PCDHGA5: variants seen among roughly 807,000 people sequenced by gnomAD.
PCDHGA5 encodes protocadherin gamma subfamily A, 5.
PCDHGA5 carries 36 observed loss-of-function variants against 56.7 expected under a neutral mutation model. The observed-to-expected ratio is 0.64, with a 90% CI of 0.49 to 0.84. The LOEUF is 0.84. Among genes scored for constraint, PCDHGA5 ranks in the 40% least tolerant of loss-of-function variants. The probability of loss-of-function intolerance (pLI) is 0.00; values close to 1 mark genes in which losing one functional copy is unlikely to be tolerated. For missense variants in PCDHGA5, 1,305 were observed against 1,201.5 expected (o/e 1.09, Z -1.27); for synonymous variants, 563 against 520.2 (o/e 1.08, Z -1.12).
At chr5:141,394,840 G>GCA (rs2093111243) in intron 1 of PCDHGA5, 1 of 1,613,834 alleles carries the variant, frequency 6.2e-7, no homozygotes. Flanking sequence ...ACCGAGTTGG[G>GCA]CAGTCTGAAG....
chr5:141,428,679 TGGATGA>T (rs1231732563), intron 1 of PCDHGA5: 1 of 163,254 alleles, frequency 6.1e-6, no homozygotes, highest in Non-Finnish European at 1.3e-5. Flanking sequence ...CATTTACAAA[TGGATGA>T]GGTTTAATTT....
At chr5:141,383,551 G>T (rs772901140) in intron 1 of PCDHGA5, 11 of 1,612,380 alleles carry the variant, frequency 6.8e-6, no homozygotes, top group Non-Finnish European at 9.3e-6. Context: ...CTCTGATGGC[G>T]GCGACCCGCC....
chr5:141,413,188 A>C, intron 1 of PCDHGA5: 4 of 1,606,680 alleles, frequency 2.5e-6, no homozygotes, highest in Non-Finnish European at 3.4e-6. Flanking sequence ...GGCCGCTCAA[A>C]GGAATCGCTC....
rs750465493 is a variant in PCDHGA5, at chr5:141,364,893, G to T, written c.563G>T (p.Gly188Val). Residue 188 changes from glycine to valine, a missense_variant, in exon 1 of 4, where the codon GGA (glycine) becomes GTA (valine). Gly to Val is a moderately radical substitution (Grantham distance 109). Transcript: ENST00000518069. ...FSLDVVSGTD[G>V]QKYPELVLEQ... Reference sequence around the variant, plus strand: ...CTGGATGTGGTAAGCGGAACTGATGGACAAAAGTATCCGGAGCTGGTGTTG... The same window carrying T: ...CTGGATGTGGTAAGCGGAACTGATGTACAAAAGTATCCGGAGCTGGTGTTG... The T allele has an allele frequency of 1.2e-6, 2 of 1,613,968 alleles. No individual in the cohort carries two copies. The highest frequency in any genetic ancestry group is 3.3e-5 in the Admixed American group (2 of 60,024).
At chr5:141,402,260 A>C (rs2094244604) in intron 1 of PCDHGA5, among the ~76,000 whole-genome samples, 2 of 152,144 alleles carry the variant, frequency 1.3e-5, no homozygotes, top group South Asian at 4.1e-4. Context: ...AACCCCAGAA[A>C]ATAATTTCAA....
chr5:141,430,975 G>A (rs776670383), intron 1 of PCDHGA5: 2 of 1,613,208 alleles, frequency 1.2e-6, no homozygotes, highest in Admixed American at 1.7e-5. Flanking sequence ...GAGGTAGGAC[G>A]CAGCTTTTCG....
At position 141,431,696 on chromosome 5, in the gene PCDHGA5, G is replaced by T; in HGVS notation, c.2422-63111G>T. ...AGGGGAGTTGGACCACGAGGAGTCA[G>T]GATTCTACCAGATGGAAGTGCAAGC... On this transcript the variant is annotated intron_variant, in intron 1 of 3. Transcript: ENST00000518069. The surrounding 1 kb of genome is among the most constrained non-coding windows in gnomAD (Gnocchi z 4.8). 6.2e-7 allele frequency: 1 copy of T among 1,614,238 alleles called. No individual in the cohort carries two copies. Among genetic ancestry groups the T allele is most frequent in the Non-Finnish European group, 8.5e-7 (1 of 1,180,038 alleles).
At chr5:141,419,014 C>A (rs1332175722) in intron 1 of PCDHGA5, 1 of 1,613,780 alleles carries the variant, frequency 6.2e-7, no homozygotes, top group Non-Finnish European at 8.5e-7. Flanking sequence ...TCAGGTGTAG[C>A]TTAAGTAGAG....
At position 141,431,007 on chromosome 5, in the gene PCDHGA5, G is replaced by C. The variant is rs149559471; in HGVS notation, c.2422-63800G>C. On this transcript the variant is annotated intron_variant, in intron 1 of 3. Transcript: ENST00000518069. This position sits in a 1 kb window ranked among gnomAD's most constrained non-coding sequence, Gnocchi z 4.8. Reference sequence around the variant, plus strand: ...TTCGCCCTGAATCCGCGCAGCGGCAGCTTGGTCACGGCGGGCAGGATAGAC... The same window carrying C: ...TTCGCCCTGAATCCGCGCAGCGGCACCTTGGTCACGGCGGGCAGGATAGAC... 10 of 1,614,050 alleles carry C rather than the reference G, an allele frequency of 6.2e-6. No homozygotes were observed. The highest frequency in any genetic ancestry group is 8.5e-6 in the Non-Finnish European group (10 of 1,180,018).
rs758715682 is a variant in PCDHGA5, at chr5:141,490,062, C to T, written c.2422-4745C>T. The T allele has an allele frequency of 2.6e-5, 42 of 1,614,100 alleles. No individual in the cohort carries two copies. The highest frequency in any genetic ancestry group is 3.3e-5 in the South Asian group (3 of 91,086). On this transcript the variant is annotated intron_variant, in intron 1 of 3. Coordinates refer to ENST00000518069, the MANE Select transcript of PCDHGA5 (RefSeq NM_018918.3). The surrounding 1 kb of genome is among the most constrained non-coding windows in gnomAD (Gnocchi z 5.4). The stretch of plus-strand genomic sequence containing the variant: ...CCACTGATCCAGACGAGGGCACCAA[C>T]GGCCAACTAGACTATTCTTTTGGAG...
At chr5:141,394,395 C>A (rs1238779909) in intron 1 of PCDHGA5, 3 of 1,614,146 alleles carry the variant, frequency 1.9e-6, no homozygotes, top group African/African-American at 1.3e-5. Context: ...GATCCGAGAC[C>A]TGCAGCTACT....
At chr5:141,372,042 G>C in intron 1 of PCDHGA5, 1 of 1,613,478 alleles carries the variant, frequency 6.2e-7, no homozygotes, top group South Asian at 1.1e-5. Context: ...GAGCCTGCGC[G>C]TGTTGGTGGA....
chr5:141,405,328 C>T (rs4912606), intron 1 of PCDHGA5: 66,412 of 1,613,986 alleles, frequency 0.041, 1,736 homozygotes, highest in Non-Finnish European at 0.046. Flanking sequence ...AGCCTTTGTG[C>T]GTCTCTGTTG....
chr5:141,485,995 T>G lies in PCDHGA5; in HGVS notation c.2422-8812T>G. 1 of 1,614,176 alleles carries G rather than the reference T, an allele frequency of 6.2e-7. No individual in the cohort carries two copies. On this transcript the variant is annotated intron_variant, in intron 1 of 3. Transcript: ENST00000518069. The surrounding 1 kb of genome is among the most constrained non-coding windows in gnomAD (Gnocchi z 5.7). ...CCTCAGACCCGGACCTGGGTCCCAG[T>G]GGTAACGTCACCTTTTATTTCAGTG...
intron 1 of PCDHGA5, among the ~76,000 whole-genome samples, chr5:141,369,777 G>A (rs1766479058): frequency 1.3e-5 from 2 of 152,188 alleles, no homozygotes; most frequent in South Asian, 2.1e-4. Context: ...GATATTTCAA[G>A]CCTCTTTATA....
At chr5:141,478,039 G>A (rs764777183) in intron 1 of PCDHGA5, 29 of 1,613,978 alleles carry the variant, frequency 1.8e-5, no homozygotes, top group Non-Finnish European at 2.5e-5. Flanking sequence ...ATTCACCCAG[G>A]CAGACTCTCA....
rs1763497131 is a variant in PCDHGA5 at position 141,364,712 on chromosome 5, G to C, written c.382G>C (p.Asp128His). 1.9e-6 allele frequency: 3 copies of C among 1,613,834 alleles called. No homozygotes were observed. In the Admixed American group the frequency reaches 5.0e-5, roughly 27 times the overall value. The change falls in exon 1 of 4, where the codon GAT (aspartate) becomes CAT (histidine). Residue 128 changes from aspartate to histidine, a missense_variant. By Grantham distance (81) the Asp-to-His change is moderately conservative. Coordinates refer to ENST00000518069, the MANE Select transcript of PCDHGA5 (RefSeq NM_018918.3). ...GVEVEIIDIN[D>H]NFPRFRDEEL... ...AGAAGTAGAAATAATCGATATTAAT[G>C]ATAACTTCCCGCGTTTCCGGGATGA...
intron 1 of PCDHGA5, chr5:141,402,998 C>G: frequency 6.2e-7 from 1 of 1,613,908 alleles, no homozygotes; most frequent in Non-Finnish European, 8.5e-7. Context: ...ATTAGTCCTG[C>G]TATGCTCGCT....
At chr5:141,509,163 C>T (rs561329093) in intron 3 of PCDHGA5, among the ~76,000 whole-genome samples, 1 of 152,204 alleles carries the variant, frequency 6.6e-6, no homozygotes, top group East Asian at 1.9e-4. Context: ...CTCCCGTGTG[C>T]CCTCCTCCTC....
Sources: allele counts gnomAD v4.1 joint callset (sites outside exome capture counted in the v4.1 genomes callset), GRCh38; gene constraint gnomAD v4.1.1; non-coding constraint Gnocchi (gnomAD v3.1); transcripts MANE v1.5; gene names NCBI Gene and HGNC (gene_info 2026-07-23, HGNC 2026-07-21).